Variants in ASB3 observed in about 807,000 individuals in gnomAD.
ASB3 encodes the protein ankyrin repeat and SOCS box protein 3.
ASB3 carries 41 observed loss-of-function variants against 54.5 expected under a neutral mutation model. The observed-to-expected ratio is 0.75, with a 90% CI of 0.59 to 0.98. The LOEUF is 0.98. Among genes scored for constraint, ASB3 ranks in the 50% least tolerant of loss-of-function variants. ASB3 has a pLI of 0.00. For missense variants in ASB3, 733 were observed against 620.0 expected (o/e 1.18, Z -1.94); for synonymous variants, 266 against 221.2 (o/e 1.20, Z -1.80).
chr2:53,767,842 G>T, intron 1 of ASB3: 1 of 1,565,830 alleles, frequency 6.4e-7, no homozygotes, highest in Non-Finnish European at 8.7e-7. Flanking sequence ...GCGGCGCGGC[G>T]ACAGCTAGGG....
chr2:53,673,787 T>A (rs1667943116), intron 9 of ASB3, among the ~76,000 whole-genome samples: 1 of 152,210 alleles, frequency 6.6e-6, no homozygotes, highest in African/African-American at 2.4e-5. Flanking sequence ...AAAGGAAAAG[T>A]ATAGCTACTT....
intron 1 of ASB3, chr2:53,774,155 G>C: frequency 6.2e-7 from 1 of 1,608,024 alleles, no homozygotes; most frequent in Non-Finnish European, 8.5e-7. Flanking sequence ...TGTGTATGGG[G>C]TGTTGCTTAC....
At chr2:53,724,731 G>A (rs1362210688) in intron 5 of ASB3, among the ~76,000 whole-genome samples, 1 of 152,028 alleles carries the variant, frequency 6.6e-6, no homozygotes, top group Non-Finnish European at 1.5e-5. Flanking sequence ...AAACCACAAT[G>A]AGATATAATC....
chr2:53,717,607 C>T (rs1670470619), intron 5 of ASB3, among the ~76,000 whole-genome samples: 1 of 151,842 alleles, frequency 6.6e-6, no homozygotes, highest in Non-Finnish European at 1.5e-5. Flanking sequence ...AAGGAACTAC[C>T]CCAAGAATTT....
intron 7 of ASB3, among the ~76,000 whole-genome samples, chr2:53,702,522 G>A (rs1669547257): frequency 6.6e-6 from 1 of 152,080 alleles, no homozygotes; most frequent in African/African-American, 2.4e-5. Flanking sequence ...ATATCAAATT[G>A]AGAAAACTCT....
At chr2:53,714,241 T>C (rs1160346656) in intron 7 of ASB3, 143 bp downstream of exon 7, 2 of 1,014,344 alleles carry the variant, frequency 2.0e-6, no homozygotes, top group Non-Finnish European at 2.8e-6. Flanking sequence ...TGAAACATCA[T>C]AGTTTTTTTC....
At chr2:53,714,829 T>C (rs943132372) in intron 6 of ASB3, among the ~76,000 whole-genome samples, 1 of 152,174 alleles carries the variant, frequency 6.6e-6, no homozygotes, top group East Asian at 1.9e-4. Flanking sequence ...AATGTTCCTA[T>C]ATGTAAACAG....
chr2:53,714,411 G>A lies in ASB3; in HGVS notation c.953C>T (p.Ser318Phe). 6.2e-7 allele frequency: 1 copy of A among 1,614,192 alleles called. No homozygotes were observed. Among genetic ancestry groups the A allele is most frequent in the Non-Finnish European group, 8.5e-7 (1 of 1,180,022 alleles). ...AQACLVFGFS[S>F]PVCMAFQKDC... ...CTTTTGGAAAGCCATGCACACAGGA[G>A]AACTGAATCCAAAAACAAGGCACGC... Residue 318 changes from serine (S) to phenylalanine (F), a missense_variant, in exon 7 of 10, where the codon TCT (serine) becomes TTT (phenylalanine). Coordinates refer to ENST00000263634, the MANE Select transcript of ASB3 (RefSeq NM_016115.5).
chr2:53,730,768 G>C (rs1283460040), intron 3 of ASB3, among the ~76,000 whole-genome samples: 4 of 151,976 alleles, frequency 2.6e-5, no homozygotes, highest in African/African-American at 9.7e-5. Flanking sequence ...TCTCATCGTG[G>C]TTTTGATTAG....
Position 53,670,200 on chromosome 2 carries a change from G to C in ASB3, c.*303C>G. On this transcript the variant is annotated 3_prime_UTR_variant, in exon 10 of 10. Coordinates refer to ENST00000263634, the MANE Select transcript of ASB3 (RefSeq NM_016115.5). ...CACAGTTTATTAGCAAAATAAAGCAGAAAATGATCAAAATGATCAGGTAAA... is the reference window on the plus strand; with the variant it reads ...CACAGTTTATTAGCAAAATAAAGCACAAAATGATCAAAATGATCAGGTAAA... 1 of 220,642 alleles carries C rather than the reference G, an allele frequency of 4.5e-6. No individual in the cohort carries two copies. Among genetic ancestry groups the C allele is most frequent in the South Asian group, 9.3e-5 (1 of 10,784 alleles). 13.7% of individuals were successfully genotyped at this position (220,642 alleles called of 1,614,324 possible). A position where few individuals can be genotyped will look rare whatever the true frequency, so the allele number is the denominator to read the frequency against.
At chr2:53,746,913 A>C (rs1321637766) in intron 3 of ASB3, among the ~76,000 whole-genome samples, 2 of 152,142 alleles carry the variant, frequency 1.3e-5, no homozygotes, top group Non-Finnish European at 2.9e-5. Flanking sequence ...TACCATTTAC[A>C]AAATGGTAAA....
In ASB3 at chr2:53,670,593, TG is replaced by T. The variant is rs1667758380; in HGVS notation, c.1466del (p.Pro489HisfsTer16). 1 of 1,613,916 alleles carries T rather than the reference TG, an allele frequency of 6.2e-7. No individual in the cohort carries two copies. Among genetic ancestry groups the T allele is most frequent in the African/African-American group, 1.3e-5 (1 of 74,890 alleles). ...AATAATTATGTAGGCTTCTGGGAAG[TG>T]GCAGCTGACTAATATAACTGTCAGA... Reference protein sequence around the residue: ...LRSDSYISQLPLPRSLHNYLL... With the variant: ...LRSDSYISQLXLPRSLHNYLL... On this transcript the variant is annotated frameshift_variant, in exon 10 of 10. Coordinates refer to ENST00000263634, the MANE Select transcript of ASB3 (RefSeq NM_016115.5). LOFTEE classifies it high-confidence loss of function.
chr2:53,756,639 G>A (rs1050383761), intron 2 of ASB3, among the ~76,000 whole-genome samples: 1 of 152,112 alleles, frequency 6.6e-6, no homozygotes, highest in Non-Finnish European at 1.5e-5. Context: ...AAAAAAGGCA[G>A]GGAACCCCCT....
intron 1 of ASB3, among the ~76,000 whole-genome samples, chr2:53,769,175 T>C (rs1673712211): frequency 6.6e-6 from 1 of 152,328 alleles, no homozygotes; most frequent in African/African-American, 2.4e-5. Flanking sequence ...TAGAACAATA[T>C]TCAAGACATT....
intron 9 of ASB3, among the ~76,000 whole-genome samples, chr2:53,691,522 CAAG>C (rs1668909978): frequency 6.6e-6 from 1 of 152,052 alleles, no homozygotes; most frequent in South Asian, 2.1e-4. Flanking sequence ...GGGGTAAAAG[CAAG>C]AAGGTCAGTT....
At chr2:53,727,591 A>G (rs1671074716) in intron 5 of ASB3, among the ~76,000 whole-genome samples, 1 of 152,242 alleles carries the variant, frequency 6.6e-6, no homozygotes, top group Non-Finnish European at 1.5e-5. Context: ...AGCTGTGATC[A>G]TACCACTATA....
intron 9 of ASB3, among the ~76,000 whole-genome samples, chr2:53,687,569 G>A (rs896235972): frequency 3.9e-5 from 6 of 152,228 alleles, no homozygotes; most frequent in African/African-American, 1.4e-4. Flanking sequence ...TAAATATTTA[G>A]CTTTATTAAC....
At chr2:53,744,766 A>G (rs1375564686) in intron 3 of ASB3, among the ~76,000 whole-genome samples, 1 of 152,258 alleles carries the variant, frequency 6.6e-6, no homozygotes, top group East Asian at 1.9e-4. Context: ...ACACTAATGA[A>G]AAGTGAATCA....
chr2:53,735,044 C>G (rs1671543334), intron 3 of ASB3, among the ~76,000 whole-genome samples: 1 of 151,734 alleles, frequency 6.6e-6, no homozygotes, highest in Non-Finnish European at 1.5e-5. Context: ...CTCAGCCTCC[C>G]TAGTAGCTAG....
Sources: allele counts gnomAD v4.1 joint callset (sites outside exome capture counted in the v4.1 genomes callset), GRCh38; gene constraint gnomAD v4.1.1; transcripts MANE v1.5; gene names NCBI Gene and HGNC (gene_info 2026-07-23, HGNC 2026-07-21).